The following SCN2B variants were observed in gnomAD, a reference collection of about 807,000 sequenced individuals.
SCN2B encodes sodium channel regulatory subunit beta-2.
Under a neutral mutation model 18.2 loss-of-function variants are expected in SCN2B, and 14 were observed. That is an observed-to-expected ratio of 0.77 (90% CI 0.51 to 1.21). The LOEUF (loss-of-function observed/expected upper bound fraction) is 1.21. Ranked by LOEUF, SCN2B falls within the 50% of genes most tolerant of loss-of-function variation. The pLI, the probability that SCN2B is intolerant of heterozygous loss-of-function variation, is 0.00. For missense variants in SCN2B, 262 were observed against 286.9 expected, an observed-to-expected ratio of 0.91 and a Z score of 0.63; for synonymous variants, 115 against 115.3, an observed-to-expected ratio of 1.00 and a Z score of 0.02.
intron 1 of SCN2B, among the ~76,000 whole-genome samples, chr11:118,169,319 G>C (rs1397257904): frequency 6.6e-6 from 1 of 152,192 alleles, no homozygotes; most frequent in Admixed American, 6.5e-5. Context: ...CATGCCAGCA[G>C]AAGACCACAG....
Position 118,168,156 on chromosome 11 carries a change from T to C in SCN2B, c.377A>G (p.Asn126Ser). The change falls in exon 3 of 4, where the codon AAC (asparagine) becomes AGC (serine). Residue 126 changes from asparagine (N) to serine (S), a missense_variant. Coordinates refer to ENST00000278947, the MANE Select transcript of SCN2B (RefSeq NM_004588.5). The surrounding 1 kb of genome is among the most constrained non-coding windows in gnomAD (Gnocchi z 4.7). Reference sequence around the variant, plus strand: ...GTCAGGGGGGTTCATGATGTAGCAGTTGTAAATCCCCTCATCCTCCGGCTG... The same window carrying C: ...GTCAGGGGGGTTCATGATGTAGCAGCTGTAAATCCCCTCATCCTCCGGCTG... ...NVQPEDEGIYNCYIMNPPDRH... is the reference protein window; with the variant it reads ...NVQPEDEGIYSCYIMNPPDRH... 1 of 1,614,104 alleles carries C rather than the reference T, an allele frequency of 6.2e-7. No individual in the cohort carries two copies. The highest frequency in any genetic ancestry group is 8.5e-7 in the Non-Finnish European group (1 of 1,180,004).
In SCN2B at chr11:118,174,388, G is replaced by A. The variant is rs191277197; in HGVS notation, c.70+1974C>T. On this transcript the variant is annotated intron_variant, in intron 1 of 3. Coordinates refer to ENST00000278947, the MANE Select transcript of SCN2B (RefSeq NM_004588.5). ...AAAACTAGCCTCATATGCTTCTGCCGTGGGTAGAGCTGGTTGCCCACCTGC... is the reference window on the plus strand; with the variant it reads ...AAAACTAGCCTCATATGCTTCTGCCATGGGTAGAGCTGGTTGCCCACCTGC... Among the ~76,000 whole-genome samples the A allele has an allele frequency of 2.6e-3, 400 of 152,172 alleles. 1 individual carries two copies. The highest frequency in any genetic ancestry group is 4.9e-3 in the Non-Finnish European group (332 of 67,988).
chr11:118,168,169 C>A lies in SCN2B; in HGVS notation c.364G>T (p.Glu122Ter), dbSNP rs1555100804. 1 of 1,614,190 alleles carries A rather than the reference C, an allele frequency of 6.2e-7. No individual in the cohort carries two copies. Among genetic ancestry groups the A allele is most frequent in the African/African-American group, 1.3e-5 (1 of 75,058 alleles). The change falls in exon 3 of 4, where the codon GAG becomes TAG. Residue 122 changes from glutamate to a stop codon, truncating the protein, a stop_gained. Transcript: ENST00000278947. LOFTEE classifies it high-confidence loss of function. This position sits in a 1 kb window ranked among gnomAD's most constrained non-coding sequence, Gnocchi z 4.7. Reference sequence around the variant, plus strand: ...ATGATGTAGCAGTTGTAAATCCCCTCATCCTCCGGCTGCACGTTTCTCAGC... The same window carrying A: ...ATGATGTAGCAGTTGTAAATCCCCTAATCCTCCGGCTGCACGTTTCTCAGC... ...VMLRNVQPED[E>*]GIYNCYIMNP...
rs137901699 is a variant in SCN2B at position 118,165,463 on chromosome 11, C to CTTTTTTTTTTTTTTTT, written c.*1408_*1423dup. The CTTTTTTTTTTTTTTTT allele has an allele frequency of 1.3e-5, 1 of 79,348 alleles. No homozygotes were observed. Among genetic ancestry groups the CTTTTTTTTTTTTTTTT allele is most frequent in the Non-Finnish European group, 2.2e-5 (1 of 46,242 alleles). The allele number at this position is 79,348 out of a possible 1,614,324, so 4.9% of individuals were successfully genotyped here. ...GTGATGGTTGGCTCCGCACAATTGC[C>CTTTTTTTTTTTTTTTT]TTTTTTTTTTTTTTTTTTTTTTTTT... On this transcript the variant is annotated 3_prime_UTR_variant, in exon 4 of 4. Transcript: ENST00000278947.
At position 118,164,127 on chromosome 11, in the gene SCN2B, A is replaced by C. The variant is rs974269909; in HGVS notation, c.*2760T>G. On this transcript the variant is annotated 3_prime_UTR_variant, in exon 4 of 4. Transcript: ENST00000278947. ...CCAGGAATCTTGGGCTTCTTGATGG[A>C]GAGTTAGAACTTCTTAGAATACACT... is the stretch of plus-strand genomic sequence containing the variant. The C allele has an allele frequency of 3.3e-5, 5 of 152,176 alleles. No homozygotes were observed. Among genetic ancestry groups the C allele is most frequent in the Middle Eastern group, 3.2e-3 (1 of 316 alleles). 9.4% of individuals were successfully genotyped at this position (152,176 alleles called of 1,614,324 possible). A position where few individuals can be genotyped will look rare whatever the true frequency, so the allele number is the denominator to read the frequency against.
intron 1 of SCN2B, among the ~76,000 whole-genome samples, chr11:118,175,877 G>A (rs561693577): frequency 5.3e-5 from 8 of 152,162 alleles, no homozygotes; most frequent in East Asian, 1.9e-4. Flanking sequence ...CAGTGAGACC[G>A]AGTGCCAAGA....
At position 118,168,833 on chromosome 11, in the gene SCN2B, G is replaced by A. The variant is rs1212689991; in HGVS notation, c.71-82C>T. On this transcript the variant is annotated intron_variant, in intron 1 of 3. Transcript: ENST00000278947. This position sits in a 1 kb window ranked among gnomAD's most constrained non-coding sequence, Gnocchi z 4.7. ...AAGCCCTCTGTGCCTGGGAGTGTTG[G>A]GGGATGAGGCAGAGCAGAGCCACAG... 5.3e-6 allele frequency: 8 copies of A among 1,514,126 alleles called. No individual in the cohort carries two copies. The Admixed American group carries it at 8.4e-5, about 16-fold the overall frequency. The allele number at this position is 1,514,126 out of a possible 1,614,324, so 93.8% of individuals were successfully genotyped here. A position where few individuals can be genotyped will look rare whatever the true frequency, so the allele number is the denominator to read the frequency against.
Position 118,166,803 on chromosome 11 carries a change from C to G in SCN2B, c.*84G>C, listed in dbSNP as rs1388843320. On this transcript the variant is annotated 3_prime_UTR_variant, in exon 4 of 4. Transcript: ENST00000278947. ...CTGGGGTCCTAGGTCACGGGAAGCACACCAAGAGCGAGCAGGCAGGGTCAC... is the reference window on the plus strand; with the variant it reads ...CTGGGGTCCTAGGTCACGGGAAGCAGACCAAGAGCGAGCAGGCAGGGTCAC... 6 of 1,566,880 alleles carry G rather than the reference C, an allele frequency of 3.8e-6. No individual in the cohort carries two copies. The African/African-American group carries it at 8.1e-5, about 21-fold the overall frequency.
In SCN2B at chr11:118,168,152, G is replaced by A; in HGVS notation, c.381C>T (p.Cys127=). ...GGCGGTCAGGGGGGTTCATGATGTA[G>A]CAGTTGTAAATCCCCTCATCCTCCG... is the stretch of plus-strand genomic sequence containing the variant. ...VQPEDEGIYN[C]YIMNPPDRHR... is the part of the protein sequence containing the mutation. The change falls in exon 3 of 4, where the codon TGC becomes TGT. Residue 127 remains cysteine (C), a synonymous_variant. Coordinates refer to ENST00000278947, the MANE Select transcript of SCN2B (RefSeq NM_004588.5). The surrounding 1 kb of genome is among the most constrained non-coding windows in gnomAD (Gnocchi z 4.7). 2 of 1,614,196 alleles carry A rather than the reference G, an allele frequency of 1.2e-6. No individual in the cohort carries two copies.
rs1010147281 is a variant in SCN2B at position 118,166,705 on chromosome 11, G to A, written c.*182C>T. 1.3e-5 allele frequency: 9 copies of A among 683,534 alleles called. No individual in the cohort carries two copies. In the East Asian group the frequency reaches 2.5e-4, roughly 19 times the overall value. The allele number at this position is 683,534 out of a possible 1,614,324, so 42.3% of individuals were successfully genotyped here. On this transcript the variant is annotated 3_prime_UTR_variant, in exon 4 of 4. Transcript: ENST00000278947. ...CCAGAGCATGGCAGGTTTCTCGGAT[G>A]GAAGAGAGTGGGTCACTCTTGGTGC... is the stretch of plus-strand genomic sequence containing the variant.
rs1219588638 is a variant in SCN2B at position 118,163,106 on chromosome 11, C to G, written c.*3781G>C. The G allele has an allele frequency of 1.3e-5, 2 of 152,638 alleles. No homozygotes were observed. The highest frequency in any genetic ancestry group is 1.9e-4 in the East Asian group (1 of 5,202). The allele number at this position is 152,638 out of a possible 1,614,324, so 9.5% of individuals were successfully genotyped here. ...GTTATTACACCTCCCCACACACACA[C>G]AGTGTAACTTTTGGGGTGGGTGTGG... On this transcript the variant is annotated 3_prime_UTR_variant, in exon 4 of 4. Coordinates refer to ENST00000278947, the MANE Select transcript of SCN2B (RefSeq NM_004588.5).
chr11:118,174,582 A>G (rs1448349887), intron 1 of SCN2B, among the ~76,000 whole-genome samples: 1 of 152,066 alleles, frequency 6.6e-6, no homozygotes, highest in Non-Finnish European at 1.5e-5. Context: ...GACATGCCTC[A>G]TTACAGCACC....
chr11:118,167,849 A>G (rs897977630), intron 3 of SCN2B, among the ~76,000 whole-genome samples: 2 of 152,142 alleles, frequency 1.3e-5, no homozygotes, highest in African/African-American at 4.8e-5. Context: ...GAGCCATCAC[A>G]CCAAGCCCCA....
chr11:118,170,986 G>C (rs1293169944), intron 1 of SCN2B, among the ~76,000 whole-genome samples: 1 of 151,932 alleles, frequency 6.6e-6, no homozygotes, highest in Non-Finnish European at 1.5e-5. Context: ...TCACAAAGCC[G>C]TAGAAGCAGC....
rs895384343 is a variant in SCN2B at position 118,168,543 on chromosome 11, T to C, written c.237+42A>G. On this transcript the variant is annotated intron_variant, in intron 2 of 3. Transcript: ENST00000278947. This position sits in a 1 kb window ranked among gnomAD's most constrained non-coding sequence, Gnocchi z 4.7. Reference sequence around the variant, plus strand: ...GACCAGGGGCTTCATGCCATGGGGCTCCTACCTCCTCCCCTGCCCCTGCCT... The same window carrying C: ...GACCAGGGGCTTCATGCCATGGGGCCCCTACCTCCTCCCCTGCCCCTGCCT... 3.1e-6 allele frequency: 5 copies of C among 1,612,720 alleles called. No homozygotes were observed. In the African/African-American group the frequency reaches 6.7e-5, roughly 22 times the overall value.
rs188571718 is a variant in SCN2B at position 118,172,937 on chromosome 11, C to T, written c.70+3425G>A. Among the ~76,000 whole-genome samples the T allele has an allele frequency of 3.2e-4, 48 of 151,242 alleles. 1 individual carries two copies. Among genetic ancestry groups the T allele is most frequent in the Admixed American group, 2.4e-3 (36 of 15,228 alleles). On this transcript the variant is annotated intron_variant, in intron 1 of 3. Coordinates refer to ENST00000278947, the MANE Select transcript of SCN2B (RefSeq NM_004588.5). Reference sequence around the variant, plus strand: ...GTGTCTAAACAGATGAACTGTCTCCCGGGGCAGCCCCTGCCTCCCAGGTGA... The same window carrying T: ...GTGTCTAAACAGATGAACTGTCTCCTGGGGCAGCCCCTGCCTCCCAGGTGA...
chr11:118,162,839 AC>A lies in SCN2B; in HGVS notation c.*4047del, dbSNP rs1948343118. 6.6e-6 allele frequency: 1 copy of A among 152,212 alleles called. No individual in the cohort carries two copies. The highest frequency in any genetic ancestry group is 1.5e-5 in the Non-Finnish European group (1 of 68,038). 9.4% of individuals were successfully genotyped at this position (152,212 alleles called of 1,614,324 possible). On this transcript the variant is annotated 3_prime_UTR_variant, in exon 4 of 4. Transcript: ENST00000278947. ...GGAGATAGTTTATTGTTGCCAGTAG[AC>A]CCAAACAATAAGACAAATTGCAAAA...
At chr11:118,176,267 T>A in intron 1 of SCN2B, 95 bp downstream of exon 1, 1 of 1,172,934 alleles carries the variant, frequency 8.5e-7, no homozygotes, top group Non-Finnish European at 1.3e-6. Context: ...GGGAAAGCGC[T>A]AGCAATGTCT....
intron 1 of SCN2B, among the ~76,000 whole-genome samples, chr11:118,170,137 G>T (rs1407236198): frequency 6.6e-6 from 1 of 152,240 alleles, no homozygotes; most frequent in Non-Finnish European, 1.5e-5. Flanking sequence ...GGTTACTGCT[G>T]TGAACAGGAC....
Sources: gnomAD v4.1 joint callset for allele counts (sites outside exome capture counted in the v4.1 genomes callset) on GRCh38, gnomAD v4.1.1 for gene constraint, Gnocchi (gnomAD v3.1) non-coding constraint, MANE v1.5 for transcripts, NCBI Gene and HGNC (gene_info 2026-07-23, HGNC 2026-07-21) for gene names.